NRXN1: variants seen among roughly 807,000 people sequenced by gnomAD.
NRXN1 encodes the protein neurexin-1.
A neutral mutation model predicts 150.9 loss-of-function variants in NRXN1; 39 were observed. That is an observed-to-expected ratio of 0.26 (90% CI 0.20 to 0.34). NRXN1 has a LOEUF of 0.34. Among genes scored for constraint, NRXN1 ranks in the 10% least tolerant of loss-of-function variants. The pLI is 1.00. For missense variants in NRXN1, 1,815 were observed against 1,949.9 expected, an observed-to-expected ratio of 0.93 and a Z score of 1.30; for synonymous variants, 924 against 757.0, an observed-to-expected ratio of 1.22 and a Z score of -3.62.
At chr2:50,771,825 A>C (rs1703048025) in intron 5 of NRXN1, among the ~76,000 whole-genome samples, 1 of 152,090 alleles carries the variant, frequency 6.6e-6, no homozygotes, top group South Asian at 2.1e-4. Context: ...TTTTTGGAAC[A>C]CCTGCTATGT....
intron 18 of NRXN1, among the ~76,000 whole-genome samples, chr2:50,092,840 T>A (rs1329256315): frequency 6.6e-6 from 1 of 152,204 alleles, no homozygotes; most frequent in Admixed American, 6.5e-5. Context: ...GATCTCTTTC[T>A]TATAAGTTAG....
intron 5 of NRXN1, among the ~76,000 whole-genome samples, chr2:50,699,211 C>G (rs1351376788): frequency 6.6e-6 from 1 of 152,162 alleles, no homozygotes; most frequent in Non-Finnish European, 1.5e-5. Flanking sequence ...CATTGGTTAG[C>G]TATCCACCCA....
intron 17 of NRXN1, among the ~76,000 whole-genome samples, chr2:50,321,669 T>G (rs1418853095): frequency 1.3e-5 from 2 of 152,174 alleles, no homozygotes; most frequent in African/African-American, 2.4e-5. Context: ...TGCTTTTTGT[T>G]TGGTTTTGTT....
chr2:50,062,458 T>G (rs1471809109), intron 19 of NRXN1, among the ~76,000 whole-genome samples: 1 of 152,176 alleles, frequency 6.6e-6, no homozygotes, highest in African/African-American at 2.4e-5. Context: ...TTATTGTTTT[T>G]AAGCCACTCA....
intron 5 of NRXN1, among the ~76,000 whole-genome samples, chr2:50,662,585 C>A (rs888366341): frequency 6.7e-6 from 1 of 149,346 alleles, no homozygotes; most frequent in Non-Finnish European, 1.5e-5. Flanking sequence ...AGTTTTTTTT[C>A]TTTTGTTTTG....
chr2:50,430,070 G>GA (rs1473692127), intron 17 of NRXN1, among the ~76,000 whole-genome samples: 2 of 152,020 alleles, frequency 1.3e-5, no homozygotes, highest in East Asian at 3.9e-4. Flanking sequence ...GAGAGTGGGA[G>GA]AAAAAAGAAA....
chr2:50,566,390 C>T (rs987472728), intron 8 of NRXN1, among the ~76,000 whole-genome samples: 22 of 150,278 alleles, frequency 1.5e-4, no homozygotes, highest in African/African-American at 3.9e-4. Flanking sequence ...ACTACAGGCA[C>T]GTGCCACCAC....
intron 5 of NRXN1, among the ~76,000 whole-genome samples, chr2:50,837,067 C>G (rs982600693): frequency 6.6e-6 from 1 of 152,048 alleles, no homozygotes; most frequent in Non-Finnish European, 1.5e-5. Context: ...TTAGACTTTG[C>G]TCTTTAAAAT....
At chr2:50,232,507 C>T (rs1458682487) in intron 18 of NRXN1, among the ~76,000 whole-genome samples, 1 of 151,058 alleles carries the variant, frequency 6.6e-6, no homozygotes, top group Non-Finnish European at 1.5e-5. Flanking sequence ...CTGCCCCAGA[C>T]TCCCAAGTAG....
intron 21 of NRXN1, among the ~76,000 whole-genome samples, chr2:50,002,925 T>C (rs1473747093): frequency 6.6e-6 from 1 of 152,100 alleles, no homozygotes; most frequent in Non-Finnish European, 1.5e-5. Flanking sequence ...ATGACAGTAA[T>C]GTTACAAAAC....
intron 18 of NRXN1, among the ~76,000 whole-genome samples, chr2:50,140,792 A>G (rs73932949): frequency 0.057 from 8,681 of 152,014 alleles, 863 homozygotes; most frequent in African/African-American, 0.2. Flanking sequence ...AATAAAACAC[A>G]GGTATGGGAA....
intron 19 of NRXN1, among the ~76,000 whole-genome samples, chr2:50,086,821 TGAGAGA>T (rs3046671): frequency 3.9e-4 from 55 of 142,824 alleles, no homozygotes; most frequent in South Asian, 1.6e-3. Flanking sequence ...CAGAGAAGAA[TGAGAGA>T]GAGAGAGAGA....
At chr2:50,236,410 T>C (rs879703805) in intron 18 of NRXN1, among the ~76,000 whole-genome samples, 3 of 151,996 alleles carry the variant, frequency 2.0e-5, no homozygotes, top group African/African-American at 4.8e-5. Context: ...ATCCAGATCT[T>C]TGGATGTCAC....
chr2:50,438,409 CTG>C (rs2085638514), intron 17 of NRXN1, among the ~76,000 whole-genome samples: 1 of 151,754 alleles, frequency 6.6e-6, no homozygotes, highest in Admixed American at 6.5e-5. Context: ...GGAATAGGCC[CTG>C]GGAAAACCTT....
intron 2 of NRXN1, among the ~76,000 whole-genome samples, chr2:50,945,899 T>TATATATACAC (rs371095334): frequency 1.3e-4 from 13 of 103,022 alleles, no homozygotes; most frequent in African/African-American, 4.2e-4. Flanking sequence ...TATATATATA[T>TATATATACAC]ACACACACAC....
At chr2:50,207,475 T>C (rs1202765210) in intron 18 of NRXN1, 1 of 152,400 alleles carries the variant, frequency 6.6e-6, no homozygotes, top group Non-Finnish European at 1.5e-5. Flanking sequence ...TTAAGAAATA[T>C]ATATTTATAT....
intron 18 of NRXN1, among the ~76,000 whole-genome samples, chr2:50,175,866 G>A (rs973789821): frequency 6.6e-6 from 1 of 152,046 alleles, no homozygotes; most frequent in African/African-American, 2.4e-5. Flanking sequence ...CTCATATTAT[G>A]TGCTTCAGGT....
chr2:50,385,630 CA>C (rs1389889222), intron 17 of NRXN1, among the ~76,000 whole-genome samples: 1 of 152,194 alleles, frequency 6.6e-6, no homozygotes, highest in Non-Finnish European at 1.5e-5. Flanking sequence ...ATTTCTATCA[CA>C]GCTGATTCCC....
At chr2:50,908,856 T>C (rs1428536318) in intron 5 of NRXN1, among the ~76,000 whole-genome samples, 1 of 151,938 alleles carries the variant, frequency 6.6e-6, no homozygotes, top group Non-Finnish European at 1.5e-5. Context: ...GGGACTCTCT[T>C]ACCCTCTCAC....
Sources: allele counts gnomAD v4.1 joint callset (sites outside exome capture counted in the v4.1 genomes callset), GRCh38; gene constraint gnomAD v4.1.1; transcripts MANE v1.5; gene names NCBI Gene and HGNC (gene_info 2026-07-23, HGNC 2026-07-21).